ADARB2: variants seen among roughly 807,000 people sequenced by gnomAD.
ADARB2 encodes inactive double-stranded RNA-specific editase B2.
A neutral mutation model predicts 62.2 loss-of-function variants in ADARB2; 25 were observed. The ratio of observed to expected loss-of-function variants is 0.40; its 90% CI spans 0.29 to 0.56. The LOEUF is 0.56. Among genes scored for constraint, ADARB2 ranks in the 20% least tolerant of loss-of-function variants. The probability of loss-of-function intolerance (pLI) is 0.43; values close to 1 mark genes in which losing one functional copy is unlikely to be tolerated. For missense variants in ADARB2, 1,071 were observed against 1,077.4 expected, an observed-to-expected ratio of 0.99 and a Z score of 0.08; for synonymous variants, 572 against 500.8, an observed-to-expected ratio of 1.14 and a Z score of -1.90.
chr10:1,526,203 A>T (rs2131955185), intron 1 of ADARB2, among the ~76,000 whole-genome samples: 1 of 149,194 alleles, frequency 6.7e-6, no homozygotes, highest in Middle Eastern at 3.4e-3. Flanking sequence ...AGTTGGAGAG[A>T]TGGCCTGGGG....
chr10:1,211,738 C>G (rs142759232), intron 7 of ADARB2, among the ~76,000 whole-genome samples: 1 of 152,108 alleles, frequency 6.6e-6, no homozygotes, highest in South Asian at 2.1e-4. Context: ...GTTTGGGCAG[C>G]GATGAAGGGG....
rs143764923 is a variant in ADARB2 at position 1,353,579 on chromosome 10, T to C, written c.1077+9449A>G. ...CCTCCGCACTTACTTAAAAAACCCT[T>C]CTCATTATATCAACTCTACTCCGCC... On this transcript the variant is annotated intron_variant, in intron 3 of 9. Coordinates refer to ENST00000381312, the MANE Select transcript of ADARB2 (RefSeq NM_018702.4). Among the ~76,000 whole-genome samples, 288 of 152,124 alleles carry C rather than the reference T, an allele frequency of 1.9e-3. 2 individuals are homozygous for C. Among genetic ancestry groups the C allele is most frequent in the African/African-American group, 6.8e-3 (282 of 41,490 alleles).
intron 4 of ADARB2, among the ~76,000 whole-genome samples, chr10:1,267,704 CAAACTT>C (rs765404382): frequency 3.3e-5 from 5 of 152,188 alleles, no homozygotes; most frequent in Non-Finnish European, 7.3e-5. Context: ...ACAAGTGAAT[CAAACTT>C]AAACACAACA....
chr10:1,284,402 T>C (rs2131806754), intron 3 of ADARB2, among the ~76,000 whole-genome samples: 1 of 152,198 alleles, frequency 6.6e-6, no homozygotes. Context: ...GTAAGGTGAA[T>C]TATGAGGATG....
chr10:1,485,743 G>C (rs1364622992), intron 1 of ADARB2, among the ~76,000 whole-genome samples: 12 of 152,164 alleles, frequency 7.9e-5, no homozygotes, highest in Non-Finnish European at 2.9e-5. Context: ...GAATTGTTTG[G>C]GGTGAGAATG....
Position 1,228,157 on chromosome 10 carries a change from C to CGT in ADARB2, c.1513+5535_1513+5536dup, listed in dbSNP as rs1830765076. Among the ~76,000 whole-genome samples the CGT allele has an allele frequency of 3.3e-5, 5 of 152,166 alleles. 1 individual carries two copies. In the South Asian group the frequency reaches 6.2e-4, roughly 19 times the overall value. On this transcript the variant is annotated intron_variant, in intron 6 of 9. Transcript: ENST00000381312. Reference sequence around the variant, plus strand: ...TTGAATGGAATTGGCTTAGAACAAACGTACTAGGCTCATAGCATGTACTTG... The same window carrying CGT: ...TTGAATGGAATTGGCTTAGAACAAACGTGTACTAGGCTCATAGCATGTACTTG...
At chr10:1,233,381 T>C (rs1830828122) in intron 6 of ADARB2, among the ~76,000 whole-genome samples, 1 of 152,196 alleles carries the variant, frequency 6.6e-6, no homozygotes, top group Non-Finnish European at 1.5e-5. Flanking sequence ...TGCGTAACTC[T>C]CACTGGCCTT....
rs1011439859 is a variant in ADARB2, at chr10:1,659,455, C to T, written c.100+77596G>A. On this transcript the variant is annotated intron_variant, in intron 1 of 9. Coordinates refer to ENST00000381312, the MANE Select transcript of ADARB2 (RefSeq NM_018702.4). ...AAAACCAAACTGACTAAAACGTGCA[C>T]AGAAACACGATTCAGACAGTGGGAG... is the stretch of plus-strand genomic sequence containing the variant. Among the ~76,000 whole-genome samples, 3 of 152,222 alleles carry T rather than the reference C, an allele frequency of 2.0e-5. No homozygotes were observed. The East Asian group carries it at 5.8e-4, about 29-fold the overall frequency.
rs903447860 is a variant in ADARB2 at position 1,199,913 on chromosome 10, T to C, written c.1864+53A>G. The C allele has an allele frequency of 6.2e-6, 9 of 1,453,764 alleles. No homozygotes were observed. In the African/African-American group the frequency reaches 1.3e-4, roughly 20 times the overall value. 90.1% of individuals were successfully genotyped at this position (1,453,764 alleles called of 1,614,324 possible). The stretch of plus-strand genomic sequence containing the variant: ...GATGGCACCGCCGGGCACACCTGTG[T>C]CTGGCCTGGTGGTGGGAAGGAGGTG... On this transcript the variant is annotated intron_variant, in intron 8 of 9. Transcript: ENST00000381312.
At chr10:1,410,670 A>T (rs776616693) in intron 1 of ADARB2, among the ~76,000 whole-genome samples, 18 of 152,150 alleles carry the variant, frequency 1.2e-4, no homozygotes, top group Non-Finnish European at 2.1e-4. Context: ...GGTGTCTGCC[A>T]CAGCGGCTGC....
At chr10:1,425,715 C>A (rs1832888623) in intron 1 of ADARB2, among the ~76,000 whole-genome samples, 1 of 152,234 alleles carries the variant, frequency 6.6e-6, no homozygotes, top group African/African-American at 2.4e-5. Context: ...ACCCTTCAGT[C>A]CTTGCCTTTC....
intron 1 of ADARB2, among the ~76,000 whole-genome samples, chr10:1,628,137 G>C (rs1473815371): frequency 2.0e-5 from 3 of 152,254 alleles, no homozygotes; most frequent in Non-Finnish European, 4.4e-5. Context: ...AGGTGCCTGA[G>C]GGGCTGAGAG....
chr10:1,703,487 G>T (rs1834850286), intron 1 of ADARB2, among the ~76,000 whole-genome samples: 2 of 152,180 alleles, frequency 1.3e-5, no homozygotes, highest in Non-Finnish European at 2.9e-5. Context: ...GTTTGAGTAG[G>T]CAGGGATGAT....
chr10:1,263,734 C>T (rs1457238616), intron 4 of ADARB2, among the ~76,000 whole-genome samples: 2 of 152,202 alleles, frequency 1.3e-5, no homozygotes, highest in Non-Finnish European at 2.9e-5. Flanking sequence ...GAGGATTTAA[C>T]TCACGGCCAG....
intron 5 of ADARB2, among the ~76,000 whole-genome samples, chr10:1,234,360 A>G (rs1182665825): frequency 2.0e-5 from 3 of 152,274 alleles, no homozygotes; most frequent in East Asian, 1.9e-4. Flanking sequence ...ACAGGCAGCA[A>G]TGAAACTACG....
chr10:1,622,092 A>G (rs1833710630), intron 1 of ADARB2, among the ~76,000 whole-genome samples: 2 of 152,192 alleles, frequency 1.3e-5, no homozygotes, highest in South Asian at 4.1e-4. Context: ...AGAAATTTCA[A>G]TGGGGAAAGG....
chr10:1,344,745 ACT>A (rs1327709172), intron 3 of ADARB2, among the ~76,000 whole-genome samples: 1 of 152,104 alleles, frequency 6.6e-6, no homozygotes, highest in African/African-American at 2.4e-5. Flanking sequence ...ACGGCGAGGC[ACT>A]CTCACACACA....
chr10:1,510,028 T>C (rs556371334), intron 1 of ADARB2, among the ~76,000 whole-genome samples: 47 of 113,966 alleles, frequency 4.1e-4, no homozygotes, highest in Middle Eastern at 4.6e-3. Context: ...TTCTTTTTTC[T>C]CTTTCTTTCT....
chr10:1,678,054 T>C (rs2119114142), intron 1 of ADARB2: 2 of 536,860 alleles, frequency 3.7e-6, no homozygotes, highest in African/African-American at 4.1e-5. Flanking sequence ...ACAAACTGGA[T>C]AATTGGAACT....
Sources: gnomAD v4.1 joint callset for allele counts (sites outside exome capture counted in the v4.1 genomes callset) on GRCh38, gnomAD v4.1.1 for gene constraint, MANE v1.5 for transcripts, NCBI Gene and HGNC (gene_info 2026-07-23, HGNC 2026-07-21) for gene names.